The following PTPRA variants were observed in gnomAD, a reference collection of about 807,000 sequenced individuals.
The protein encoded by PTPRA is receptor-type tyrosine-protein phosphatase alpha.
Under a neutral mutation model 104.8 loss-of-function variants are expected in PTPRA, and 25 were observed. The observed-to-expected ratio is 0.24, with a 90% confidence interval of 0.17 to 0.33. PTPRA has a LOEUF of 0.33. Ranked by LOEUF, PTPRA falls within the 10% of genes least tolerant of loss-of-function variation. The probability of loss-of-function intolerance (pLI) is 1.00; values close to 1 mark genes in which losing one functional copy is unlikely to be tolerated. For synonymous variants in PTPRA, 323 were observed against 368.9 expected, an observed-to-expected ratio of 0.88 and a Z score of 1.43; for missense variants, 765 against 1,015.3, an observed-to-expected ratio of 0.75 and a Z score of 3.35.
intron 11 of PTPRA, among the ~76,000 whole-genome samples, chr20:3,010,840 T>C (rs1407481339): frequency 6.6e-6 from 1 of 152,134 alleles, no homozygotes; most frequent in East Asian, 1.9e-4. Context: ...ATGATCATGA[T>C]TTACCCCTCT....
Position 2,964,311 on chromosome 20 carries a change from A to G in PTPRA, c.34A>G (p.Ser12Gly), listed in dbSNP as rs754139148. Residue 12 changes from serine (S) to glycine (G), a missense_variant, in exon 4 of 24, where the codon AGT (serine) becomes GGT (glycine). Transcript: ENST00000399903. Reference protein sequence around the residue: ...DSWFILVLLGSGLICVSANNA... With the variant: ...DSWFILVLLGGGLICVSANNA... ...CTGGTTCATTCTTGTTCTGCTCGGC[A>G]GTGGTCTGATATGTGTCAGTGCCAA... 6.2e-6 allele frequency: 10 copies of G among 1,610,206 alleles called. No individual in the cohort carries two copies. The highest frequency in any genetic ancestry group is 5.1e-5 in the Admixed American group (3 of 58,848).
At chr20:2,972,045 C>T (rs2062213682) in intron 5 of PTPRA, among the ~76,000 whole-genome samples, 1 of 152,006 alleles carries the variant, frequency 6.6e-6, no homozygotes, top group Non-Finnish European at 1.5e-5. Context: ...TGTTGGCCAA[C>T]CTGGTCTCGA....
intron 6 of PTPRA, among the ~76,000 whole-genome samples, chr20:2,986,404 C>T (rs1409053966): frequency 6.6e-6 from 1 of 152,192 alleles, no homozygotes; most frequent in Admixed American, 6.5e-5. Context: ...CCAGATATTC[C>T]AGTGCTTTTT....
chr20:3,008,745 C>A (rs80308734), intron 11 of PTPRA, among the ~76,000 whole-genome samples: 7,820 of 98,606 alleles, frequency 0.079, 413 homozygotes, highest in South Asian at 0.18. Context: ...AAAAAAAAAA[C>A]AAAAAAAAAA....
chr20:3,011,939 C>T (rs2064190120), intron 11 of PTPRA, among the ~76,000 whole-genome samples: 1 of 152,160 alleles, frequency 6.6e-6, no homozygotes, highest in Non-Finnish European at 1.5e-5. Flanking sequence ...CCGTGCTTGC[C>T]CAAAGACCAG....
intron 5 of PTPRA, among the ~76,000 whole-genome samples, chr20:2,970,518 G>A (rs1220863201): frequency 6.6e-6 from 1 of 152,036 alleles, no homozygotes; most frequent in African/African-American, 2.4e-5. Flanking sequence ...ATTCTCTGTT[G>A]ATATTCTTTA....
chr20:3,002,322 ATTTT>A (rs5839983), intron 9 of PTPRA, among the ~76,000 whole-genome samples: 2,631 of 116,884 alleles, frequency 0.023, 56 homozygotes, highest in African/African-American at 0.06. Flanking sequence ...AAATGTAGTA[ATTTT>A]TTTTTTTTTT....
chr20:2,883,614 T>C (rs1308173551), intron 1 of PTPRA, among the ~76,000 whole-genome samples: 1 of 19,412 alleles, frequency 5.2e-5, no homozygotes, highest in Non-Finnish European at 6.6e-5. Flanking sequence ...ATCGCGCCAC[T>C]GCACTCCAGC....
chr20:2,998,202 A>T (rs1256157271), intron 9 of PTPRA, among the ~76,000 whole-genome samples: 1 of 147,778 alleles, frequency 6.8e-6, no homozygotes, highest in Non-Finnish European at 1.5e-5. Flanking sequence ...AAAAAGGCTT[A>T]GCTCCTGAGA....
At chr20:2,897,751 T>G (rs2059066850) in intron 1 of PTPRA, among the ~76,000 whole-genome samples, 1 of 152,142 alleles carries the variant, frequency 6.6e-6, no homozygotes, top group Non-Finnish European at 1.5e-5. Context: ...TTGTTTTTGT[T>G]TGTTTAAAAA....
chr20:2,929,698 G>A (rs978444561), intron 2 of PTPRA, among the ~76,000 whole-genome samples: 3 of 152,084 alleles, frequency 2.0e-5, no homozygotes, highest in African/African-American at 7.2e-5. Context: ...GGTAGTACAT[G>A]CCCGTGGTCC....
intron 12 of PTPRA, 30 bp downstream of exon 12, chr20:3,015,915 AT>A: frequency 6.5e-7 from 1 of 1,538,636 alleles, no homozygotes; most frequent in Non-Finnish European, 9.0e-7. Context: ...TTTCTGTTAG[AT>A]TTAACCATGA....
intron 16 of PTPRA, among the ~76,000 whole-genome samples, chr20:3,023,481 G>A (rs1424583776): frequency 2.6e-5 from 4 of 152,230 alleles, no homozygotes; most frequent in African/African-American, 7.2e-5. Flanking sequence ...GGAGAAAACC[G>A]CCTTATGGCT....
the PTPRA span, chr20:2,865,008 A>G: frequency 6.2e-7 from 1 of 1,614,014 alleles, no homozygotes. The surrounding 1 kb of genome is among the most constrained non-coding windows in gnomAD (Gnocchi z 5.2). Flanking sequence ...AGCTCTGCAG[A>G]CAGCCGCCGA....
intron 2 of PTPRA, among the ~76,000 whole-genome samples, chr20:2,936,772 C>G (rs1425438920): frequency 6.6e-6 from 1 of 151,980 alleles, no homozygotes; most frequent in Non-Finnish European, 1.5e-5. Context: ...TACACGTGGT[C>G]TAGTTGGGTT....
At chr20:2,884,438 T>G (rs2090252967) in intron 1 of PTPRA, among the ~76,000 whole-genome samples, 1 of 152,290 alleles carries the variant, frequency 6.6e-6, no homozygotes, top group African/African-American at 2.4e-5. Context: ...TTTGCCAACA[T>G]TTGTTACTCT....
intron 1 of PTPRA, among the ~76,000 whole-genome samples, chr20:2,888,791 G>A (rs2058692128): frequency 6.6e-6 from 1 of 152,108 alleles, no homozygotes; most frequent in African/African-American, 2.4e-5. Flanking sequence ...AATACTACAT[G>A]CTCATAAAAT....
rs2064748331 is a variant in PTPRA, at chr20:3,019,737, G to A, written c.1042-1572G>A. Among the ~76,000 whole-genome samples the A allele has an allele frequency of 2.0e-5, 3 of 152,304 alleles. No homozygotes were observed. The South Asian group carries it at 6.2e-4, about 32-fold the overall frequency. On this transcript the variant is annotated intron_variant, in intron 13 of 23. Transcript: ENST00000399903. ...CCAAAGCAGGCTGCTGGGAGGTGGA[G>A]GTTGTAGCGAGCCAAGATCACGCCA...
intron 1 of PTPRA, among the ~76,000 whole-genome samples, chr20:2,894,609 T>C (rs1600073390): frequency 1.6e-5 from 1 of 63,470 alleles, no homozygotes; most frequent in Non-Finnish European, 3.1e-5. Context: ...TGCTGGCCAA[T>C]TTTTTTTTTT....
Sources: allele counts gnomAD v4.1 joint callset (sites outside exome capture counted in the v4.1 genomes callset), GRCh38; gene constraint gnomAD v4.1.1; non-coding constraint Gnocchi (gnomAD v3.1); transcripts MANE v1.5; gene names NCBI Gene and HGNC (gene_info 2026-07-23, HGNC 2026-07-21).